Variants in RASGRF1 observed in about 807,000 individuals in gnomAD.
RASGRF1 encodes Ras protein specific guanine nucleotide releasing factor 1.
RASGRF1 carries 40 observed loss-of-function variants against 138.7 expected under a neutral mutation model. The observed-to-expected ratio is 0.29, with a 90% CI of 0.22 to 0.38. The LOEUF (loss-of-function observed/expected upper bound fraction) is 0.38. RASGRF1 is among the 10% of genes least tolerant of loss of function. RASGRF1 has a pLI of 1.00. For missense variants in RASGRF1, 1,108 were observed against 1,650.4 expected (o/e 0.67, Z 5.69); for synonymous variants, 614 against 663.2 (o/e 0.93, Z 1.14).
At chr15:79,068,822 C>A (rs1458471173) in intron 1 of RASGRF1, among the ~76,000 whole-genome samples, 1 of 151,970 alleles carries the variant, frequency 6.6e-6, no homozygotes, top group East Asian at 1.9e-4. Flanking sequence ...GGTGTGTGGC[C>A]TAAGTGTGGT....
At chr15:79,002,216 C>A (rs901553605) in intron 15 of RASGRF1, among the ~76,000 whole-genome samples, 3 of 152,044 alleles carry the variant, frequency 2.0e-5, no homozygotes, top group African/African-American at 7.2e-5. Context: ...ACCATCTGCT[C>A]CAGTTTTCCT....
intron 24 of RASGRF1, among the ~76,000 whole-genome samples, chr15:78,974,511 C>A (rs1231926189): frequency 2.6e-5 from 4 of 152,182 alleles, no homozygotes; most frequent in African/African-American, 9.7e-5. Flanking sequence ...TCCTCAGGCT[C>A]CTCATGTATA....
At chr15:79,026,793 C>G (rs1382070878) in intron 9 of RASGRF1, among the ~76,000 whole-genome samples, 1 of 152,156 alleles carries the variant, frequency 6.6e-6, no homozygotes, top group Non-Finnish European at 1.5e-5. Context: ...GCCTAAAATA[C>G]TGTGTGAGAA....
intron 15 of RASGRF1, among the ~76,000 whole-genome samples, chr15:79,003,033 C>A (rs763211957): frequency 6.6e-6 from 1 of 152,210 alleles, no homozygotes; most frequent in Non-Finnish European, 1.5e-5. Context: ...CCAGACCTGA[C>A]ACTTTTAGAA....
intron 1 of RASGRF1, among the ~76,000 whole-genome samples, chr15:79,072,401 G>C (rs904418694): frequency 6.9e-6 from 1 of 144,226 alleles, no homozygotes; most frequent in South Asian, 2.4e-4. Context: ...TCAGCCTCCC[G>C]AGGAGCTGGG....
At position 79,090,603 on chromosome 15, in the gene RASGRF1, G is replaced by GCTCT. The variant is rs2141121771; in HGVS notation, c.-106_-105insAGAG. 1 of 1,446,266 alleles carries GCTCT rather than the reference G, an allele frequency of 6.9e-7. No homozygotes were observed. The highest frequency in any genetic ancestry group is 1.4e-5 in the African/African-American group (1 of 71,374). The allele number at this position is 1,446,266 out of a possible 1,614,324, so 89.6% of individuals were successfully genotyped here. ...GCCTCTCTCTGGCGCTCGCTCGCTC[G>GCTCT]CTCCCTCTAGCTCTCCCCTCCCCCC... On this transcript the variant is annotated 5_prime_UTR_variant, in exon 1 of 27. Transcript: ENST00000558480.
At chr15:79,003,759 G>A in intron 15 of RASGRF1, 43 bp downstream of exon 15, 1 of 1,546,640 alleles carries the variant, frequency 6.5e-7, no homozygotes, top group East Asian at 2.3e-5. Flanking sequence ...GCCTCAGTGG[G>A]GCTGGGAGGC....
chr15:79,055,516 A>G (rs929455160), intron 3 of RASGRF1, among the ~76,000 whole-genome samples: 3 of 152,066 alleles, frequency 2.0e-5, no homozygotes, highest in East Asian at 1.9e-4. Flanking sequence ...AATACACTCA[A>G]TTGGAAGCAT....
At chr15:78,966,145 T>C (rs1015252557) in intron 26 of RASGRF1, among the ~76,000 whole-genome samples, 3 of 152,176 alleles carry the variant, frequency 2.0e-5, no homozygotes, top group African/African-American at 7.2e-5. Flanking sequence ...TTGATCTTGT[T>C]ATTAAAATCA....
At chr15:79,019,917 C>T (rs2056935180) in intron 11 of RASGRF1, 124 bp downstream of exon 11, 3 of 1,157,720 alleles carry the variant, frequency 2.6e-6, no homozygotes, top group South Asian at 2.8e-5. Context: ...GTGTGGACCT[C>T]CCCTCCGCAC....
chr15:78,973,200 A>C lies in RASGRF1; in HGVS notation c.3612+103T>G. On this transcript the variant is annotated intron_variant, in intron 25 of 26. Transcript: ENST00000558480. This position sits in a 1 kb window ranked among gnomAD's most constrained non-coding sequence, Gnocchi z 4.9. The stretch of plus-strand genomic sequence containing the variant: ...CCAGGCTCCCAAATGGGGGCACCCT[A>C]TGCAGCAGGTTGGGCCTTGGGGGGC... 1 of 900,196 alleles carries C rather than the reference A, an allele frequency of 1.1e-6. No homozygotes were observed. Among genetic ancestry groups the C allele is most frequent in the Non-Finnish European group, 1.7e-6 (1 of 581,950 alleles). The allele number at this position is 900,196 out of a possible 1,614,324, so 55.8% of individuals were successfully genotyped here. A position where few individuals can be genotyped will look rare whatever the true frequency, so the allele number is the denominator to read the frequency against.
At chr15:79,052,161 G>C (rs1184330736) in intron 3 of RASGRF1, among the ~76,000 whole-genome samples, 1 of 152,106 alleles carries the variant, frequency 6.6e-6, no homozygotes, top group Non-Finnish European at 1.5e-5. Flanking sequence ...CCCTCAGACT[G>C]GCTTTCTTTG....
In RASGRF1 at chr15:78,971,953, G is replaced by A. The variant is rs769038393; in HGVS notation, c.3613-19C>T. The A allele has an allele frequency of 6.4e-7, 1 of 1,555,540 alleles. No individual in the cohort carries two copies. The highest frequency in any genetic ancestry group is 1.1e-5 in the South Asian group (1 of 89,864). On this transcript the variant is annotated intron_variant, in intron 25 of 26. Coordinates refer to ENST00000558480, the MANE Select transcript of RASGRF1 (RefSeq NM_001145648.3). ...GGGATATCTGTGGGAAGGAAGGAGT[G>A]TTTCAGAATGCAGTTTGCTCTCCTA...
chr15:79,028,279 A>C (rs2057089497), intron 8 of RASGRF1, among the ~76,000 whole-genome samples: 1 of 152,108 alleles, frequency 6.6e-6, no homozygotes, highest in Admixed American at 6.5e-5. Flanking sequence ...TTCCCATCCC[A>C]AGAGCAAAGC....
intron 1 of RASGRF1, among the ~76,000 whole-genome samples, chr15:79,081,290 G>A (rs915205636): frequency 6.6e-5 from 10 of 152,244 alleles, no homozygotes; most frequent in African/African-American, 2.2e-4. Flanking sequence ...GCTGAGTCAC[G>A]GCTGGGATGG....
intron 6 of RASGRF1, among the ~76,000 whole-genome samples, 153 bp downstream of exon 6, chr15:79,034,978 T>C (rs769689531): frequency 1.3e-5 from 2 of 152,258 alleles, no homozygotes; most frequent in Non-Finnish European, 2.9e-5. Context: ...ATTTGCCAAC[T>C]TGTCTTTTCT....
intron 14 of RASGRF1, chr15:79,005,463 A>AG: frequency 1.0e-6 from 1 of 985,400 alleles, no homozygotes; most frequent in African/African-American, 1.7e-5. Context: ...GGATCTGGGT[A>AG]GGTGGCCTCT....
At chr15:79,008,448 A>C (rs1261296200) in intron 13 of RASGRF1, among the ~76,000 whole-genome samples, 1 of 152,228 alleles carries the variant, frequency 6.6e-6, no homozygotes, top group Non-Finnish European at 1.5e-5. Flanking sequence ...GCAAGACACA[A>C]AACATTTTAG....
intron 26 of RASGRF1, among the ~76,000 whole-genome samples, chr15:78,967,399 T>C (rs1447686755): frequency 1.3e-5 from 2 of 151,840 alleles, no homozygotes; most frequent in Non-Finnish European, 2.9e-5. Flanking sequence ...TATAAAAGAA[T>C]TAGTTGGGTG....
Sources: allele counts gnomAD v4.1 joint callset (sites outside exome capture counted in the v4.1 genomes callset), GRCh38; gene constraint gnomAD v4.1.1; non-coding constraint Gnocchi (gnomAD v3.1); transcripts MANE v1.5; gene names NCBI Gene and HGNC (gene_info 2026-07-23, HGNC 2026-07-21).